ANKS1B: variants seen among roughly 807,000 people sequenced by gnomAD.
ANKS1B encodes the protein ankyrin repeat and sterile alpha motif domain-containing protein 1B.
Under a neutral mutation model 148.3 loss-of-function variants are expected in ANKS1B, and 36 were observed. The observed-to-expected ratio is 0.24, with a 90% confidence interval of 0.19 to 0.32. ANKS1B has a LOEUF of 0.32. ANKS1B is among the 10% of genes least tolerant of loss of function. ANKS1B has a pLI of 1.00. For synonymous variants in ANKS1B, 542 were observed against 560.8 expected (o/e 0.97, Z 0.47); for missense variants, 1,157 against 1,542.6 (o/e 0.75, Z 4.19).
intron 15 of ANKS1B, among the ~76,000 whole-genome samples, chr12:99,132,315 A>G (rs981473046): frequency 4.6e-5 from 7 of 152,076 alleles, no homozygotes; most frequent in African/African-American, 1.7e-4. Context: ...ATCAGCTAGG[A>G]GGAAGAAATA....
At position 99,856,302 on chromosome 12, in the gene ANKS1B, A is replaced by G. The variant is rs546088742; in HGVS notation, c.135-30913T>C. Among the ~76,000 whole-genome samples the G allele has an allele frequency of 1.1e-4, 17 of 152,304 alleles. No homozygotes were observed. The East Asian group carries it at 3.1e-3, about 28-fold the overall frequency. The stretch of plus-strand genomic sequence containing the variant: ...ATGAACACCTTTATGCACATAACAT[A>G]GAAAACCTAGTGGACATGGATAAAT... On this transcript the variant is annotated intron_variant, in intron 1 of 26. Coordinates refer to ENST00000683438, the MANE Select transcript of ANKS1B (RefSeq NM_001352186.2).
chr12:98,756,831 G>C lies in ANKS1B; in HGVS notation c.3580-5309C>G, dbSNP rs146596486. Among the ~76,000 whole-genome samples, 409 of 150,206 alleles carry C rather than the reference G, an allele frequency of 2.7e-3. 1 individual carries two copies. The highest frequency in any genetic ancestry group is 9.4e-3 in the African/African-American group (387 of 40,996). ...CAACCTGTGCCTCCTGGCTTCAAGG[G>C]ATTCTCCTGCCTCAGCCTCCCGAGT... On this transcript the variant is annotated intron_variant, in intron 25 of 26. Transcript: ENST00000683438.
intron 8 of ANKS1B, among the ~76,000 whole-genome samples, chr12:99,703,406 G>A (rs927946824): frequency 2.0e-5 from 3 of 152,170 alleles, no homozygotes; most frequent in Non-Finnish European, 1.5e-5. Context: ...TTAACTAACT[G>A]GCATCCATTG....
chr12:99,802,498 T>G (rs556880119), intron 4 of ANKS1B, among the ~76,000 whole-genome samples: 1 of 152,224 alleles, frequency 6.6e-6, no homozygotes, highest in African/African-American at 2.4e-5. Flanking sequence ...AAAGATGATA[T>G]GAAATTTGCC....
chr12:99,128,817 C>T (rs1215398664), intron 15 of ANKS1B, among the ~76,000 whole-genome samples: 1 of 152,046 alleles, frequency 6.6e-6, no homozygotes, highest in Non-Finnish European at 1.5e-5. Flanking sequence ...AGTTCTGAGG[C>T]CTAGAAGAAG....
Position 98,829,307 on chromosome 12 carries a change from C to T in ANKS1B, c.2933G>A (p.Ser978Asn). The T allele has an allele frequency of 6.2e-7, 1 of 1,613,972 alleles. No homozygotes were observed. Among genetic ancestry groups the T allele is most frequent in the African/African-American group, 1.3e-5 (1 of 75,036 alleles). The change falls in exon 19 of 27, where the codon AGC becomes AAC. Residue 978 changes from serine (S) to asparagine (N), a missense_variant. Physicochemically the swap from Ser to Asn is conservative, Grantham distance 46. Transcript: ENST00000683438. The surrounding 1 kb of genome is among the most constrained non-coding windows in gnomAD (Gnocchi z 5.2). ...GCCACCAGTGGTGTAAGTGCTTTGG[C>T]TAAGTGATGGAGACAACTGAGGAGG... The part of the protein sequence containing the change: ...HTPPQLSPSL[S>N]QSTYTTGGSL...
chr12:99,248,198 T>C (rs899851672), intron 12 of ANKS1B, among the ~76,000 whole-genome samples: 1 of 152,222 alleles, frequency 6.6e-6, no homozygotes, highest in African/African-American at 2.4e-5. Context: ...TATTAGACAT[T>C]GGCTCAGAAG....
intron 14 of ANKS1B, among the ~76,000 whole-genome samples, chr12:99,190,659 C>A (rs1292621500): frequency 6.6e-6 from 1 of 151,978 alleles, no homozygotes; most frequent in South Asian, 2.1e-4. Flanking sequence ...ACTGAAACTG[C>A]ACCCCCTTCC....
rs1294789761 is a variant in ANKS1B at position 99,671,289 on chromosome 12, T to C, written c.1129-16079A>G. On this transcript the variant is annotated intron_variant, in intron 8 of 26. Coordinates refer to ENST00000683438, the MANE Select transcript of ANKS1B (RefSeq NM_001352186.2). ...GTTCTATTTTGTCCTTAGATGACTATAAAATAGAAATGCTTTCAGTGCTGA... is the reference window on the plus strand; with the variant it reads ...GTTCTATTTTGTCCTTAGATGACTACAAAATAGAAATGCTTTCAGTGCTGA... Among the ~76,000 whole-genome samples the C allele has an allele frequency of 2.0e-5, 3 of 152,142 alleles. 1 individual carries two copies. Among genetic ancestry groups the C allele is most frequent in the African/African-American group, 7.2e-5 (3 of 41,450 alleles).
In ANKS1B at chr12:98,946,378, T is replaced by C. The variant is rs1160200542; in HGVS notation, c.2778+106779A>G. On this transcript the variant is annotated intron_variant, in intron 17 of 26. Transcript: ENST00000683438. ...TTATTCTTTTGTTTGTTTAATCCTG[T>C]TTGAGTTGGAGTTTTTTGTTATATT... 3.9e-5 allele frequency among the ~76,000 whole-genome samples: 6 copies of C among 152,206 alleles called. No individual in the cohort carries two copies. The East Asian group carries it at 1.2e-3, about 29-fold the overall frequency.
chr12:98,843,133 T>C (rs1429892451), intron 17 of ANKS1B, among the ~76,000 whole-genome samples: 1 of 152,240 alleles, frequency 6.6e-6, no homozygotes, highest in South Asian at 2.1e-4. Flanking sequence ...AGTGCTATGA[T>C]TTGAGTTTTC....
At chr12:99,811,838 T>C (rs1225144354) in intron 3 of ANKS1B, among the ~76,000 whole-genome samples, 1 of 151,914 alleles carries the variant, frequency 6.6e-6, no homozygotes, top group African/African-American at 2.4e-5. Context: ...GTAATTCTCA[T>C]TACACATATG....
rs1464562181 is a variant in ANKS1B at position 98,953,577 on chromosome 12, A to T, written c.2778+99580T>A. 1.3e-4 allele frequency among the ~76,000 whole-genome samples: 10 copies of T among 74,694 alleles called. No homozygotes were observed. In the East Asian group the frequency reaches 2.1e-3, roughly 16 times the overall value. The allele number at this position is 74,694 out of a possible 152,430, so 49.0% of individuals were successfully genotyped here. A position where few individuals can be genotyped will look rare whatever the true frequency, so the allele number is the denominator to read the frequency against. On this transcript the variant is annotated intron_variant, in intron 17 of 26. Coordinates refer to ENST00000683438, the MANE Select transcript of ANKS1B (RefSeq NM_001352186.2). ...TTTTTTTTTTTTTTTGCCAAGGATT[A>T]CCTCTTTCTCTAGAGCCCTCCACCT...
At chr12:99,586,741 T>C (rs1438482925) in intron 9 of ANKS1B, among the ~76,000 whole-genome samples, 2 of 152,170 alleles carry the variant, frequency 1.3e-5, no homozygotes, top group East Asian at 3.8e-4. Context: ...CTCACAATTA[T>C]GGCGGAAGGT....
At chr12:99,464,501 A>G (rs1199618316) in intron 10 of ANKS1B, among the ~76,000 whole-genome samples, 1 of 152,222 alleles carries the variant, frequency 6.6e-6, no homozygotes. Context: ...TCCAAGCTAC[A>G]GGAGGAAATT....
At chr12:99,757,132 C>T (rs1001939971) in intron 8 of ANKS1B, among the ~76,000 whole-genome samples, 4 of 151,922 alleles carry the variant, frequency 2.6e-5, no homozygotes, top group African/African-American at 7.3e-5. Flanking sequence ...TTCTGCACAG[C>T]CAAAGAAACT....
chr12:99,639,143 CACT>C (rs1418539192), intron 9 of ANKS1B, among the ~76,000 whole-genome samples: 1 of 152,214 alleles, frequency 6.6e-6, no homozygotes, highest in Non-Finnish European at 1.5e-5. Context: ...ACAGAGTCCC[CACT>C]GGGGGACTAC....
intron 11 of ANKS1B, among the ~76,000 whole-genome samples, chr12:99,418,454 A>G (rs1004886172): frequency 5.3e-5 from 8 of 152,100 alleles, no homozygotes; most frequent in Non-Finnish European, 1.0e-4. Flanking sequence ...CAGAAATACA[A>G]TTTTTTTATG....
At chr12:99,642,992 TGATAATCCAG>T (rs1268835116) in intron 9 of ANKS1B, among the ~76,000 whole-genome samples, 1 of 150,884 alleles carries the variant, frequency 6.6e-6, no homozygotes, top group African/African-American at 2.5e-5. Context: ...GGGCACACAT[TGATAATCCAG>T]GATAATCCCC....
Sources: gnomAD v4.1 joint callset for allele counts (sites outside exome capture counted in the v4.1 genomes callset) on GRCh38, gnomAD v4.1.1 for gene constraint, Gnocchi (gnomAD v3.1) non-coding constraint, MANE v1.5 for transcripts, NCBI Gene and HGNC (gene_info 2026-07-23, HGNC 2026-07-21) for gene names.